DNAH10: variants seen among roughly 807,000 people sequenced by gnomAD.
DNAH10 encodes the protein dynein axonemal heavy chain 10.
Under a neutral mutation model 506.6 loss-of-function variants are expected in DNAH10, and 348 were observed. The ratio of observed to expected loss-of-function variants is 0.69; its 90% CI spans 0.63 to 0.75. The LOEUF (loss-of-function observed/expected upper bound fraction) is 0.75. Ranked by LOEUF, DNAH10 falls within the 30% of genes least tolerant of loss-of-function variation. The probability of loss-of-function intolerance (pLI) is 0.00; values close to 1 mark genes in which losing one functional copy is unlikely to be tolerated. For missense variants in DNAH10, 5,179 were observed against 5,787.1 expected (o/e 0.89, Z 3.41); for synonymous variants, 2,059 against 2,198.6 (o/e 0.94, Z 1.78).
At chr12:123,840,270 G>A (rs777517072) in intron 29 of DNAH10, among the ~76,000 whole-genome samples, 11 of 151,992 alleles carry the variant, frequency 7.2e-5, no homozygotes, top group Non-Finnish European at 1.5e-4. Context: ...ACTTAGGAAC[G>A]AGTGCTTTCT....
intron 36 of DNAH10, among the ~76,000 whole-genome samples, chr12:123,854,299 T>C (rs1951305551): frequency 6.6e-6 from 1 of 152,182 alleles, no homozygotes; most frequent in Admixed American, 6.5e-5. Context: ...GGTCATATCT[T>C]CTGAACTGAA....
At chr12:123,873,185 G>A (rs1182517236) in intron 45 of DNAH10, among the ~76,000 whole-genome samples, 3 of 152,216 alleles carry the variant, frequency 2.0e-5, no homozygotes, top group Admixed American at 6.5e-5. Flanking sequence ...CTATGAAGTA[G>A]TCCTAAGAGA....
At chr12:123,816,353 G>C (rs113688028) in intron 21 of DNAH10, among the ~76,000 whole-genome samples, 6,729 of 152,268 alleles carry the variant, frequency 0.044, 188 homozygotes, top group Non-Finnish European at 0.063. Flanking sequence ...GGGAAGAGGG[G>C]CTGGAGATTG....
chr12:123,778,017 A>G (rs1395707229), intron 5 of DNAH10, among the ~76,000 whole-genome samples: 1 of 152,084 alleles, frequency 6.6e-6, no homozygotes, highest in Admixed American at 6.6e-5. Context: ...TAACAAAATA[A>G]CATCAACCCC....
chr12:123,778,850 A>G (rs1957536759), intron 5 of DNAH10, among the ~76,000 whole-genome samples: 1 of 151,878 alleles, frequency 6.6e-6, no homozygotes, highest in East Asian at 1.9e-4. Flanking sequence ...TGATCCTCCC[A>G]TCTCAGCCTC....
At chr12:123,904,132 C>T (rs1953664552) in intron 57 of DNAH10, among the ~76,000 whole-genome samples, 1 of 152,226 alleles carries the variant, frequency 6.6e-6, no homozygotes, top group Admixed American at 6.5e-5. Context: ...ATTCAGCTCA[C>T]TCCAGGACAG....
At chr12:123,894,580 A>G (rs1032941912) in intron 53 of DNAH10, 63 bp from the exon 54 acceptor site, 3 of 1,487,836 alleles carry the variant, frequency 2.0e-6, no homozygotes, top group Admixed American at 1.7e-5. Flanking sequence ...TTTTTTGTAG[A>G]GACAGGGTCT....
At chr12:123,851,185 C>A in intron 35 of DNAH10, 109 bp downstream of exon 35, 1 of 1,214,224 alleles carries the variant, frequency 8.2e-7, no homozygotes. Flanking sequence ...CCAGACGGGA[C>A]CTAGGATGTG....
At chr12:123,775,664 G>T (rs138133080) in intron 5 of DNAH10, among the ~76,000 whole-genome samples, 1 of 152,276 alleles carries the variant, frequency 6.6e-6, no homozygotes, top group African/African-American at 2.4e-5. Context: ...GTGGCTGGAG[G>T]GAGGGCTGGA....
intron 21 of DNAH10, among the ~76,000 whole-genome samples, chr12:123,818,393 G>A (rs774197824): frequency 6.6e-6 from 1 of 151,566 alleles, no homozygotes; most frequent in Non-Finnish European, 1.5e-5. Flanking sequence ...GTGTGATCTC[G>A]ACTCACTGCA....
chr12:123,800,682 C>CA (rs145211384), intron 15 of DNAH10, among the ~76,000 whole-genome samples: 504 of 94,274 alleles, frequency 5.3e-3, no homozygotes, highest in Middle Eastern at 0.026. Flanking sequence ...AGCCTGTATC[C>CA]AAAAAAAAAA....
chr12:123,829,331 G>A (rs183283135), intron 25 of DNAH10, among the ~76,000 whole-genome samples: 114 of 152,056 alleles, frequency 7.5e-4, no homozygotes, highest in African/African-American at 2.6e-3. Flanking sequence ...GCCTTCCAAC[G>A]TCAAAAAGGC....
chr12:123,922,989 C>G (rs533980287), intron 65 of DNAH10: 5 of 152,178 alleles, frequency 3.3e-5, no homozygotes, highest in Non-Finnish European at 7.3e-5. Flanking sequence ...TTCTATAGGG[C>G]TCACTTAAGT....
At chr12:123,772,975 T>C in intron 4 of DNAH10, 33 bp downstream of exon 4, 1 of 1,481,564 alleles carries the variant, frequency 6.7e-7, no homozygotes, top group Non-Finnish European at 9.3e-7. Context: ...TGTATGTGTG[T>C]TGAGGGGGTG....
intron 18 of DNAH10, among the ~76,000 whole-genome samples, chr12:123,806,946 T>G (rs1958699211): frequency 6.6e-6 from 1 of 152,130 alleles, no homozygotes; most frequent in Non-Finnish European, 1.5e-5. Context: ...TCTTTTGTAT[T>G]TTTAGTAGAG....
intron 6 of DNAH10, among the ~76,000 whole-genome samples, chr12:123,782,203 C>T (rs927599360): frequency 5.9e-5 from 9 of 151,912 alleles, no homozygotes; most frequent in African/African-American, 2.2e-4. Flanking sequence ...TTTAAGACCT[C>T]TGATTCTCTG....
rs930589754 is a variant in DNAH10 at position 123,850,025 on chromosome 12, C to T, written c.6103-863C>T. Among the ~76,000 whole-genome samples the T allele has an allele frequency of 2.0e-5, 3 of 152,058 alleles. No homozygotes were observed. Among genetic ancestry groups the T allele is most frequent in the African/African-American group, 4.8e-5 (2 of 41,378 alleles). Reference sequence around the variant, plus strand: ...AGGCAGCAGCTATCTGCTCTTCCCCCTGGGCCATCTGGGCCATCTGGGCCT... The same window carrying T: ...AGGCAGCAGCTATCTGCTCTTCCCCTTGGGCCATCTGGGCCATCTGGGCCT... On this transcript the variant is annotated intron_variant, in intron 34 of 78. Transcript: ENST00000673944. The surrounding 1 kb of genome is among the most constrained non-coding windows in gnomAD (Gnocchi z 5.5).
chr12:123,852,439 G>C (rs1241070519), intron 35 of DNAH10, among the ~76,000 whole-genome samples: 1 of 152,170 alleles, frequency 6.6e-6, no homozygotes, highest in Non-Finnish European at 1.5e-5. Context: ...ACCGTGTCAG[G>C]ATTTTGAGTT....
At chr12:123,924,686 C>T (rs896249442) in intron 67 of DNAH10, among the ~76,000 whole-genome samples, 1 of 151,950 alleles carries the variant, frequency 6.6e-6, no homozygotes, top group Non-Finnish European at 1.5e-5. Context: ...ATCCATTTAC[C>T]CACCGACCCA....
Sources: gnomAD v4.1 joint callset for allele counts (sites outside exome capture counted in the v4.1 genomes callset) on GRCh38, gnomAD v4.1.1 for gene constraint, Gnocchi (gnomAD v3.1) non-coding constraint, MANE v1.5 for transcripts, NCBI Gene and HGNC (gene_info 2026-07-23, HGNC 2026-07-21) for gene names.